The following AHI1 variants were observed in gnomAD, a reference collection of about 807,000 sequenced individuals.
The protein encoded by AHI1 is jouberin.
Under a neutral mutation model 149.3 loss-of-function variants are expected in AHI1, and 123 were observed. The ratio of observed to expected loss-of-function variants is 0.82; its 90% CI spans 0.71 to 0.96. AHI1 has a LOEUF of 0.96. Among genes scored for constraint, AHI1 ranks in the 40% least tolerant of loss-of-function variants. AHI1 has a pLI of 0.00. For synonymous variants in AHI1, 475 were observed against 459.8 expected (o/e 1.03, Z -0.42); for missense variants, 1,439 against 1,422.7 (o/e 1.01, Z -0.18).
At chr6:135,294,698 CAAAA>C (rs56734547) in intron 27 of AHI1, among the ~76,000 whole-genome samples, 3 of 68,010 alleles carry the variant, frequency 4.4e-5, no homozygotes, top group Non-Finnish European at 6.0e-5. Flanking sequence ...TCTCCAAATG[CAAAA>C]AAAAAAAAAA....
intron 5 of AHI1, among the ~76,000 whole-genome samples, chr6:135,468,019 A>G (rs1305111555): frequency 1.3e-5 from 2 of 152,090 alleles, no homozygotes; most frequent in Non-Finnish European, 2.9e-5. Context: ...GATCTTTGAA[A>G]CTCCCCATAT....
intron 20 of AHI1, among the ~76,000 whole-genome samples, chr6:135,413,673 G>A (rs1353924864): frequency 1.3e-5 from 2 of 151,526 alleles, no homozygotes; most frequent in South Asian, 4.1e-4. Flanking sequence ...TTGTAGGATT[G>A]AGATCAAAAC....
intron 21 of AHI1, among the ~76,000 whole-genome samples, chr6:135,405,429 T>C (rs1244459262): frequency 1.3e-5 from 2 of 152,154 alleles, no homozygotes; most frequent in Non-Finnish European, 2.9e-5. Context: ...TATATGACTA[T>C]TATTGAAAGA....
rs879644457 is a variant in AHI1 at position 135,284,024 on chromosome 6, TGCATTCACAAGA to T, written c.*1609_*1620del. 1.3e-5 allele frequency: 2 copies of T among 152,136 alleles called. No individual in the cohort carries two copies. Among genetic ancestry groups the T allele is most frequent in the Non-Finnish European group, 2.9e-5 (2 of 68,026 alleles). 9.4% of individuals were successfully genotyped at this position (152,136 alleles called of 1,614,324 possible). ...ATATTTTTATTTTTAAATTATCAAG[TGCATTCACAAGA>T]CAGAAAAAAACAAGCTTGTACAAGA... On this transcript the variant is annotated 3_prime_UTR_variant, in exon 29 of 29. Coordinates refer to ENST00000265602, the MANE Select transcript of AHI1 (RefSeq NM_001134831.2).
At chr6:135,455,476 A>G (rs950699644) in intron 10 of AHI1, among the ~76,000 whole-genome samples, 1 of 152,238 alleles carries the variant, frequency 6.6e-6, no homozygotes, top group African/African-American at 2.4e-5. Flanking sequence ...TACAGTTAAC[A>G]GTCACAGAGC....
In AHI1 at chr6:135,433,136, A is replaced by G; in HGVS notation, c.2157T>C (p.Asp719=). ...VRELVVTGCY[D]SMIRIWKVEM... is the part of the protein sequence containing the mutation. ...CAACTTTCCATATCCGTATCATGGA[A>G]TCATAGCATCCTGTAACTACTAGCT... The change falls in exon 16 of 29, where the codon GAT becomes GAC. Residue 719 remains aspartate, a synonymous_variant. Coordinates refer to ENST00000265602, the MANE Select transcript of AHI1 (RefSeq NM_001134831.2). The G allele has an allele frequency of 6.2e-7, 1 of 1,613,512 alleles. No homozygotes were observed. The highest frequency in any genetic ancestry group is 8.5e-7 in the Non-Finnish European group (1 of 1,179,518).
intron 24 of AHI1, among the ~76,000 whole-genome samples, chr6:135,337,601 A>C (rs1789592275): frequency 6.6e-6 from 1 of 151,886 alleles, no homozygotes; most frequent in African/African-American, 2.4e-5. Context: ...CTCTACAAAA[A>C]AATTAAAAAA....
At chr6:135,363,681 AC>A (rs1245374713) in intron 23 of AHI1, among the ~76,000 whole-genome samples, 10 of 130,700 alleles carry the variant, frequency 7.7e-5, no homozygotes, top group African/African-American at 2.1e-4. Flanking sequence ...CGGGGGGCTG[AC>A]CCCCCCACCT....
chr6:135,461,420 G>A (rs1030157327), intron 8 of AHI1, among the ~76,000 whole-genome samples: 9 of 152,066 alleles, frequency 5.9e-5, no homozygotes, highest in East Asian at 1.9e-4. Flanking sequence ...TGACTAAAAC[G>A]TTAAAAAACA....
At chr6:135,332,073 T>C (rs983811452) in intron 24 of AHI1, among the ~76,000 whole-genome samples, 3 of 151,394 alleles carry the variant, frequency 2.0e-5, no homozygotes, top group Non-Finnish European at 4.4e-5. Flanking sequence ...GGTTTAGGTT[T>C]TTTTTTTTTT....
Position 135,428,627 on chromosome 6 carries a change from A to AC in AHI1, c.2623+1dup. On this transcript the variant is annotated splice_donor_variant, in intron 19 of 28. Coordinates refer to ENST00000265602, the MANE Select transcript of AHI1 (RefSeq NM_001134831.2). LOFTEE classifies it high-confidence loss of function. Reference sequence around the variant, plus strand: ...GATTTTTAAAGTTCAATAAACATTCACCTGTTTCTGGGTTCCAAACATACA... The same window carrying AC: ...GATTTTTAAAGTTCAATAAACATTCACCCTGTTTCTGGGTTCCAAACATACA... The AC allele has an allele frequency of 6.3e-7, 1 of 1,596,382 alleles. No individual in the cohort carries two copies. The highest frequency in any genetic ancestry group is 8.5e-7 in the Non-Finnish European group (1 of 1,171,002).
chr6:135,389,412 A>C (rs1013349810), intron 23 of AHI1, among the ~76,000 whole-genome samples: 8 of 152,218 alleles, frequency 5.3e-5, no homozygotes, highest in African/African-American at 1.7e-4. Context: ...CAGTCACTGA[A>C]TAATTTTATG....
chr6:135,417,337 T>C (rs753169247), intron 20 of AHI1, among the ~76,000 whole-genome samples: 8 of 152,004 alleles, frequency 5.3e-5, no homozygotes, highest in African/African-American at 1.4e-4. Flanking sequence ...TGAGCGAACA[T>C]GCATAGAAAT....
chr6:135,329,757 T>C (rs777068656), intron 24 of AHI1, among the ~76,000 whole-genome samples: 30 of 152,230 alleles, frequency 2.0e-4, no homozygotes, highest in Non-Finnish European at 4.0e-4. Flanking sequence ...AGCAAGTAAG[T>C]TGAAAACCTT....
intron 23 of AHI1, among the ~76,000 whole-genome samples, chr6:135,368,277 T>C (rs965608580): frequency 2.6e-5 from 4 of 152,090 alleles, no homozygotes; most frequent in Non-Finnish European, 5.9e-5. Flanking sequence ...TGATGGTCCT[T>C]GGTTGTAGTT....
At chr6:135,446,412 A>G (rs1041733960) in intron 13 of AHI1, among the ~76,000 whole-genome samples, 2 of 152,208 alleles carry the variant, frequency 1.3e-5, no homozygotes, top group Non-Finnish European at 2.9e-5. Flanking sequence ...CAACCCAGTC[A>G]TCACCTTGAT....
rs1443007787 is a variant in AHI1, at chr6:135,391,643, T to C, written c.3109+3133A>G. ...GCAAACTTAGTTCGCCTTAAACACATTCATCTCACCTTTTCCAGTCAAACC... is the reference window on the plus strand; with the variant it reads ...GCAAACTTAGTTCGCCTTAAACACACTCATCTCACCTTTTCCAGTCAAACC... On this transcript the variant is annotated intron_variant, in intron 23 of 28. Transcript: ENST00000265602. Among the ~76,000 whole-genome samples the C allele has an allele frequency of 2.6e-5, 4 of 152,248 alleles. No individual in the cohort carries two copies. The East Asian group carries it at 7.7e-4, about 29-fold the overall frequency.
rs139714541 is a variant in AHI1, at chr6:135,397,917, T to A, written c.2989-3021A>T. 4.6e-5 allele frequency among the ~76,000 whole-genome samples: 7 copies of A among 152,262 alleles called. No individual in the cohort carries two copies. The East Asian group carries it at 1.3e-3, about 29-fold the overall frequency. On this transcript the variant is annotated intron_variant, in intron 22 of 28. Coordinates refer to ENST00000265602, the MANE Select transcript of AHI1 (RefSeq NM_001134831.2). ...CGAAAGAATGTTAATGCTGTCTGTATACTTAAAAGTTCACAAATTCATCTC... is the reference window on the plus strand; with the variant it reads ...CGAAAGAATGTTAATGCTGTCTGTAAACTTAAAAGTTCACAAATTCATCTC...
intron 20 of AHI1, among the ~76,000 whole-genome samples, chr6:135,414,675 T>C (rs956872719): frequency 6.6e-6 from 1 of 151,856 alleles, no homozygotes; most frequent in African/African-American, 2.4e-5. Context: ...CAAATAAGCA[T>C]GCAAAAAAAG....
Sources: allele counts gnomAD v4.1 joint callset (sites outside exome capture counted in the v4.1 genomes callset), GRCh38; gene constraint gnomAD v4.1.1; transcripts MANE v1.5; gene names NCBI Gene and HGNC (gene_info 2026-07-23, HGNC 2026-07-21).